Variants in FHOD3 observed in about 807,000 individuals in gnomAD.
FHOD3 encodes the protein FH1/FH2 domain-containing protein 3.
A neutral mutation model predicts 173.0 loss-of-function variants in FHOD3; 90 were observed. The observed-to-expected ratio is 0.52, with a 90% CI of 0.44 to 0.62. FHOD3 has a LOEUF of 0.62. Ranked by LOEUF, FHOD3 falls within the 20% of genes least tolerant of loss-of-function variation. The probability of loss-of-function intolerance (pLI) is 0.00; values close to 1 mark genes in which losing one functional copy is unlikely to be tolerated. For synonymous variants in FHOD3, 828 were observed against 823.0 expected (o/e 1.01, Z -0.10); for missense variants, 1,945 against 2,034.7 (o/e 0.96, Z 0.85).
At chr18:36,369,498 C>CAT (rs370203544) in intron 2 of FHOD3, among the ~76,000 whole-genome samples, 1,936 of 95,402 alleles carry the variant, frequency 0.02, 62 homozygotes, top group Middle Eastern at 0.027. Context: ...CACACACACA[C>CAT]ATATATATAG....
chr18:36,591,613 T>C (rs1019780386), intron 6 of FHOD3, among the ~76,000 whole-genome samples: 1 of 152,158 alleles, frequency 6.6e-6, no homozygotes, highest in Non-Finnish European at 1.5e-5. Context: ...TTTCAGGTCA[T>C]GATAAAGGAC....
At chr18:36,523,510 A>C (rs2056374944) in intron 5 of FHOD3, among the ~76,000 whole-genome samples, 1 of 152,248 alleles carries the variant, frequency 6.6e-6, no homozygotes, top group Non-Finnish European at 1.5e-5. Flanking sequence ...TGATTAGGGA[A>C]GTCTGTCAGT....
At chr18:36,757,936 G>A (rs553661982) in intron 25 of FHOD3, among the ~76,000 whole-genome samples, 11 of 152,328 alleles carry the variant, frequency 7.2e-5, no homozygotes, top group Admixed American at 2.6e-4. Flanking sequence ...GGCCTCCCAC[G>A]TTGGAGGGCA....
chr18:36,669,608 A>G lies in FHOD3; in HGVS notation c.1835+11420A>G, dbSNP rs72897527. Among the ~76,000 whole-genome samples, 848 of 152,058 alleles carry G rather than the reference A, an allele frequency of 5.6e-3. 1 individual carries two copies. Among genetic ancestry groups the G allele is most frequent in the Middle Eastern group, 0.02 (6 of 294 alleles). On this transcript the variant is annotated intron_variant, in intron 14 of 28. Transcript: ENST00000590592. ...TATAGTATACATTTTAATTTATCATAGTCTACCTTTAAGTGATAGTATGTA... is the reference window on the plus strand; with the variant it reads ...TATAGTATACATTTTAATTTATCATGGTCTACCTTTAAGTGATAGTATGTA...
chr18:36,698,290 C>A (rs1464116681), intron 17 of FHOD3, among the ~76,000 whole-genome samples: 2 of 152,218 alleles, frequency 1.3e-5, no homozygotes, highest in Non-Finnish European at 1.5e-5. Context: ...TCGAGTTTTT[C>A]TGCCTTGCCA....
chr18:36,576,130 T>C (rs1227760149), intron 5 of FHOD3, among the ~76,000 whole-genome samples: 1 of 152,196 alleles, frequency 6.6e-6, no homozygotes, highest in Non-Finnish European at 1.5e-5. Context: ...TGAATATCTT[T>C]GTCCTGTCTG....
chr18:36,577,043 A>G (rs1181578343), intron 6 of FHOD3, among the ~76,000 whole-genome samples: 1 of 151,652 alleles, frequency 6.6e-6, no homozygotes, highest in Non-Finnish European at 1.5e-5. Context: ...CAGTGAGCTG[A>G]GATCATGCCA....
Position 36,693,216 on chromosome 18 carries a change from T to A in FHOD3, c.2029T>A (p.Tyr677Asn). 1.2e-6 allele frequency: 2 copies of A among 1,613,078 alleles called. No individual in the cohort carries two copies. Among genetic ancestry groups the A allele is most frequent in the Non-Finnish European group, 1.7e-6 (2 of 1,179,560 alleles). ...QRQAREERYK[Y>N]LEQLAAEEHE... ...TTGGAATTTAACTTTCAGATACAAA[T>A]ACTTGGAACAGTTGGCAGCTGAGGA... The change falls in exon 17 of 29, where the codon TAC becomes AAC. Residue 677 changes from tyrosine to asparagine, a missense_variant. Physicochemically the swap from Tyr to Asn is moderately radical, Grantham distance 143. Transcript: ENST00000590592.
At chr18:36,603,784 G>A (rs762418000) in intron 8 of FHOD3, among the ~76,000 whole-genome samples, 11 of 152,178 alleles carry the variant, frequency 7.2e-5, no homozygotes, top group African/African-American at 1.4e-4. Context: ...GATTACAGGC[G>A]TGAGCCACTG....
Position 36,780,079 on chromosome 18 carries a change from T to C in FHOD3, c.*549T>C, listed in dbSNP as rs991229200. 4 of 1,149,364 alleles carry C rather than the reference T, an allele frequency of 3.5e-6. No homozygotes were observed. The African/African-American group carries it at 4.8e-5, about 14-fold the overall frequency. 71.2% of individuals were successfully genotyped at this position (1,149,364 alleles called of 1,614,324 possible). On this transcript the variant is annotated 3_prime_UTR_variant, in exon 29 of 29. Transcript: ENST00000590592. Reference sequence around the variant, plus strand: ...CCATAATGAGAAACTTTTATTCTTCTGGGAACAGGACCTTAAACAGTTCCA... The same window carrying C: ...CCATAATGAGAAACTTTTATTCTTCCGGGAACAGGACCTTAAACAGTTCCA...
chr18:36,428,333 A>G (rs2050360126), intron 3 of FHOD3, among the ~76,000 whole-genome samples: 2 of 152,062 alleles, frequency 1.3e-5, no homozygotes, highest in Non-Finnish European at 2.9e-5. Context: ...GCGTTAAAGG[A>G]TTTTTTGTTG....
At chr18:36,543,083 A>G (rs1326182734) in intron 5 of FHOD3, among the ~76,000 whole-genome samples, 1 of 152,126 alleles carries the variant, frequency 6.6e-6, no homozygotes, top group Non-Finnish European at 1.5e-5. Flanking sequence ...CGGTGCTAAG[A>G]CTGCAACAAT....
chr18:36,355,339 A>G lies in FHOD3; in HGVS notation c.166-200A>G, dbSNP rs9957382. 0.11 allele frequency among the ~76,000 whole-genome samples: 16,465 copies of G among 152,170 alleles called. 2,208 individuals are homozygous for G. Among genetic ancestry groups the G allele is most frequent in the African/African-American group, 0.32 (13,079 of 41,462 alleles). On this transcript the variant is annotated intron_variant, in intron 1 of 28. Transcript: ENST00000590592. ...GGATGCTGTCGATGTCACTCTGTTAAGAGATGCCTCATCCATCCACTTGGT... is the reference window on the plus strand; with the variant it reads ...GGATGCTGTCGATGTCACTCTGTTAGGAGATGCCTCATCCATCCACTTGGT...
At chr18:36,567,332 C>A (rs11661849) in intron 5 of FHOD3, among the ~76,000 whole-genome samples, 82,474 of 152,028 alleles carry the variant, frequency 0.54, 22,456 homozygotes, top group African/African-American at 0.57. Flanking sequence ...GAAAGGATTA[C>A]AAACCATGGG....
At chr18:36,586,731 C>T (rs760686719) in intron 6 of FHOD3, among the ~76,000 whole-genome samples, 4 of 152,308 alleles carry the variant, frequency 2.6e-5, no homozygotes, top group African/African-American at 4.8e-5. Context: ...CCTCCCACCT[C>T]GGCCCCGCAA....
intron 5 of FHOD3, among the ~76,000 whole-genome samples, chr18:36,519,955 A>ATTTTTT (rs11449846): frequency 1.2e-4 from 16 of 132,068 alleles, no homozygotes; most frequent in African/African-American, 4.1e-4. Context: ...CTTTTCTTTC[A>ATTTTTT]TTTTTTTTTT....
intron 19 of FHOD3, among the ~76,000 whole-genome samples, chr18:36,725,890 GT>G (rs1350843306): frequency 6.6e-6 from 1 of 152,050 alleles, no homozygotes; most frequent in Non-Finnish European, 1.5e-5. Context: ...ATTCTATTCT[GT>G]TCTATTATTC....
chr18:36,617,344 G>T (rs1367438452), intron 9 of FHOD3, among the ~76,000 whole-genome samples: 1 of 152,078 alleles, frequency 6.6e-6, no homozygotes. Context: ...ATTGAATTTT[G>T]TCTGTTTTCA....
At chr18:36,498,335 TAATGA>T (rs2054850504) in intron 3 of FHOD3, among the ~76,000 whole-genome samples, 1 of 152,008 alleles carries the variant, frequency 6.6e-6, no homozygotes, top group South Asian at 2.1e-4. Context: ...CGAAAGGAAA[TAATGA>T]AATAGAAATC....
Sources: gnomAD v4.1 joint callset for allele counts (sites outside exome capture counted in the v4.1 genomes callset) on GRCh38, gnomAD v4.1.1 for gene constraint, MANE v1.5 for transcripts, NCBI Gene and HGNC (gene_info 2026-07-23, HGNC 2026-07-21) for gene names.